The following PTPRD variants were observed in gnomAD, a reference collection of about 807,000 sequenced individuals.
PTPRD encodes the protein protein tyrosine phosphatase receptor type D, also known as receptor-type tyrosine-protein phosphatase delta.
Under a neutral mutation model 214.5 loss-of-function variants are expected in PTPRD, and 34 were observed. The observed-to-expected ratio is 0.16, with a 90% CI of 0.12 to 0.21. The LOEUF (loss-of-function observed/expected upper bound fraction) is 0.21. Among genes scored for constraint, PTPRD ranks in the 10% least tolerant of loss-of-function variants. The pLI is 1.00. For synonymous variants in PTPRD, 1,128 were observed against 845.7 expected (o/e 1.33, Z -5.79); for missense variants, 2,545 against 2,398.7 (o/e 1.06, Z -1.27).
rs34926923 is a variant in PTPRD, at chr9:10,103,395, T to TATATATATATATATATGTA, written c.-544-69606_-544-69605insTACATATATATATATATAT. The stretch of plus-strand genomic sequence containing the variant: ...CTGCATATTATATATATATATATAT[T>TATATATATATATATATGTA]TATTTAAGAGCATTGCAGTAAGAAA... On this transcript the variant is annotated intron_variant, in intron 3 of 45. Transcript: ENST00000381196. Among the ~76,000 whole-genome samples the TATATATATATATATATGTA allele has an allele frequency of 5.8e-3, 682 of 116,664 alleles. 31 individuals are homozygous for TATATATATATATATATGTA. The highest frequency in any genetic ancestry group is 0.023 in the Admixed American group (242 of 10,312). 76.5% of individuals were successfully genotyped at this position (116,664 alleles called of 152,430 possible).
intron 3 of PTPRD, among the ~76,000 whole-genome samples, chr9:10,133,884 G>C (rs1297528273): frequency 6.6e-6 from 1 of 152,142 alleles, no homozygotes; most frequent in Non-Finnish European, 1.5e-5. Context: ...TTGGTAAAAT[G>C]TGGTGAGTTT....
At chr9:9,823,067 A>G (rs1229583177) in intron 5 of PTPRD, among the ~76,000 whole-genome samples, 2 of 152,172 alleles carry the variant, frequency 1.3e-5, no homozygotes, top group African/African-American at 4.8e-5. Flanking sequence ...GAATCAAAAT[A>G]TGTGTCCATC....
intron 3 of PTPRD, among the ~76,000 whole-genome samples, chr9:10,253,761 A>G (rs1157287525): frequency 2.0e-5 from 3 of 152,216 alleles, no homozygotes; most frequent in Non-Finnish European, 4.4e-5. Flanking sequence ...TTTAAAATAT[A>G]GAGCTATATG....
chr9:8,358,931 C>T (rs918219867), intron 39 of PTPRD, among the ~76,000 whole-genome samples: 1 of 150,562 alleles, frequency 6.6e-6, no homozygotes, highest in African/African-American at 2.4e-5. Flanking sequence ...CACGGTGAAA[C>T]CCCGTCTCTA....
chr9:10,284,114 G>A (rs1369030100), intron 3 of PTPRD, among the ~76,000 whole-genome samples: 3 of 152,104 alleles, frequency 2.0e-5, no homozygotes, highest in African/African-American at 7.2e-5. Context: ...ATTTATTGTT[G>A]AGATTGGATT....
intron 5 of PTPRD, among the ~76,000 whole-genome samples, chr9:9,913,962 T>C (rs539870017): frequency 1.6e-4 from 24 of 152,202 alleles, no homozygotes; most frequent in Middle Eastern, 3.4e-3. Context: ...AAGCCGACAA[T>C]AGTGACTGAA....
intron 44 of PTPRD, among the ~76,000 whole-genome samples, chr9:8,321,483 GTGTGTATA>G (rs1287647628): frequency 7.2e-4 from 35 of 48,752 alleles, no homozygotes; most frequent in East Asian, 1.0e-3. Context: ...GTGTGTGTGT[GTGTGTATA>G]TATATATATA....
At chr9:9,932,560 A>G (rs1281392698) in intron 5 of PTPRD, among the ~76,000 whole-genome samples, 1 of 114,382 alleles carries the variant, frequency 8.7e-6, no homozygotes, top group Non-Finnish European at 1.7e-5. Context: ...AAAGCCTCCA[A>G]GAAATATGGG....
intron 30 of PTPRD, among the ~76,000 whole-genome samples, chr9:8,476,602 C>A (rs1165328121): frequency 3.3e-5 from 5 of 152,058 alleles, no homozygotes; most frequent in African/African-American, 9.7e-5. Flanking sequence ...TTTTTTTAAA[C>A]CTATTACCCC....
intron 2 of PTPRD, among the ~76,000 whole-genome samples, chr9:10,450,095 A>G (rs941236303): frequency 6.6e-6 from 1 of 151,768 alleles, no homozygotes; most frequent in African/African-American, 2.4e-5. Flanking sequence ...CCAGGGACAC[A>G]AACACTGCGG....
At chr9:8,526,112 G>C (rs906166991) in intron 17 of PTPRD, among the ~76,000 whole-genome samples, 2 of 151,942 alleles carry the variant, frequency 1.3e-5, no homozygotes, top group East Asian at 1.9e-4. Flanking sequence ...AAAACCTTTT[G>C]AAAGATAAAG....
intron 35 of PTPRD, among the ~76,000 whole-genome samples, chr9:8,419,670 T>A (rs1281049346): frequency 6.6e-6 from 1 of 151,964 alleles, no homozygotes; most frequent in Non-Finnish European, 1.5e-5. Context: ...GGGGCATATA[T>A]TTCATCCAGC....
chr9:10,003,305 C>G (rs1296050603), intron 4 of PTPRD, among the ~76,000 whole-genome samples: 2 of 151,722 alleles, frequency 1.3e-5, no homozygotes, highest in Non-Finnish European at 3.0e-5. Context: ...AGACAAACTA[C>G]TAAGATACTT....
At chr9:8,733,487 T>C (rs2098682559) in intron 12 of PTPRD, among the ~76,000 whole-genome samples, 1 of 152,158 alleles carries the variant, frequency 6.6e-6, no homozygotes, top group Non-Finnish European at 1.5e-5. Context: ...TTGAGTTATA[T>C]CCTTGGTCTC....
At chr9:8,755,488 C>T (rs1182245114) in intron 11 of PTPRD, among the ~76,000 whole-genome samples, 1 of 149,142 alleles carries the variant, frequency 6.7e-6, no homozygotes, top group East Asian at 2.0e-4. Context: ...CAAGACACAC[C>T]ACTGCACTCC....
intron 11 of PTPRD, among the ~76,000 whole-genome samples, chr9:8,802,277 G>C (rs1419438595): frequency 6.6e-6 from 1 of 152,108 alleles, no homozygotes; most frequent in African/African-American, 2.4e-5. Flanking sequence ...TTTGGTACAA[G>C]TCTGAGTGTA....
chr9:10,385,057 C>T (rs1305356586), intron 2 of PTPRD, among the ~76,000 whole-genome samples: 2 of 151,724 alleles, frequency 1.3e-5, no homozygotes, highest in East Asian at 1.9e-4. Flanking sequence ...CCTAACCTTA[C>T]GGGTTATTTT....
intron 9 of PTPRD, among the ~76,000 whole-genome samples, chr9:9,242,850 A>G (rs1217437256): frequency 6.6e-6 from 1 of 152,150 alleles, no homozygotes; most frequent in Non-Finnish European, 1.5e-5. Context: ...TGTCAAAGTC[A>G]TTCTCTGTCC....
chr9:10,523,601 G>GTATATATATATATATATATATATA (rs201455705), intron 2 of PTPRD, among the ~76,000 whole-genome samples: 3,702 of 63,432 alleles, frequency 0.058, 424 homozygotes, highest in Middle Eastern at 0.11. Flanking sequence ...ATATTTATCT[G>GTATATATATATATATATATATATA]TATATATATA....
Sources: gnomAD v4.1 joint callset for allele counts (sites outside exome capture counted in the v4.1 genomes callset) on GRCh38, gnomAD v4.1.1 for gene constraint, MANE v1.5 for transcripts, NCBI Gene and HGNC (gene_info 2026-07-23, HGNC 2026-07-21) for gene names.